HLA-DRB1: variants seen among roughly 807,000 people sequenced by gnomAD.
HLA-DRB1 encodes major histocompatibility complex, class II, DR beta 1.
In HLA-DRB1, 10 loss-of-function variants were observed where a neutral mutation model predicts 27.9. The ratio of observed to expected loss-of-function variants is 0.36; its 90% CI spans 0.22 to 0.61. The LOEUF (loss-of-function observed/expected upper bound fraction) is 0.61, where lower values mean the gene tolerates loss of function less well. Among genes scored for constraint, HLA-DRB1 ranks in the 20% least tolerant of loss-of-function variants. The pLI is 0.73. For synonymous variants in HLA-DRB1, 57 were observed against 126.7 expected (o/e 0.45, Z 3.69); for missense variants, 118 against 306.3 (o/e 0.39, Z 4.59).
chr6:32,584,679 A>G (rs369093408), intron 1 of HLA-DRB1, among the ~76,000 whole-genome samples: 29,911 of 125,304 alleles, frequency 0.24, 1,463 homozygotes, highest in East Asian at 0.3. Flanking sequence ...CCAGCACCGC[A>G]GCCCGCGCCG....
At position 32,581,850 on chromosome 6, in the gene HLA-DRB1, AC is replaced by A. The variant is rs72114462; in HGVS notation, c.371-13del. 0.21 allele frequency: 161,338 copies of A among 775,036 alleles called. 25,216 individuals are homozygous for A. Among genetic ancestry groups the A allele is most frequent in the African/African-American group, 0.37 (14,775 of 39,904 alleles). 48.0% of individuals were successfully genotyped at this position (775,036 alleles called of 1,614,324 possible). A position where few individuals can be genotyped will look rare whatever the true frequency, so the allele number is the denominator to read the frequency against. ...CACCTTAGGTTGGACTAGGAGAAAA[AC>A]AACGTAGAGGGAATGAGTCAGGAAG... On this transcript the variant is annotated splice_polypyrimidine_tract_variant and intron_variant, in intron 2 of 5. Transcript: ENST00000360004.
chr6:32,582,322 C>T (rs112692206), intron 2 of HLA-DRB1, among the ~76,000 whole-genome samples: 17,164 of 103,806 alleles, frequency 0.17, no homozygotes, highest in East Asian at 0.22. Context: ...CTGAAGATAG[C>T]CTTCAGTTTA....
chr6:32,585,916 T>G (rs34224375), intron 1 of HLA-DRB1, among the ~76,000 whole-genome samples: 1 of 117,892 alleles, frequency 8.5e-6, no homozygotes, highest in African/African-American at 3.2e-5. Context: ...AATACTGAAA[T>G]TCATAGGCCT....
rs751231236 is a variant in HLA-DRB1, at chr6:32,579,152, A to G, written c.788-48T>C. ...TTGTTTTCAACCTGGCTCTACTAAC[A>G]GTTTCTTTTCCCCTCTTTCAAGGGC... On this transcript the variant is annotated intron_variant, in intron 5 of 5. Coordinates refer to ENST00000360004, the Ensembl canonical transcript of HLA-DRB1. 1.1e-5 allele frequency: 4 copies of G among 374,938 alleles called. 1 individual carries two copies. Among genetic ancestry groups the G allele is most frequent in the Admixed American group, 9.5e-5 (1 of 10,542 alleles). The allele number at this position is 374,938 out of a possible 1,614,324, so 23.2% of individuals were successfully genotyped here.
At chr6:32,589,427 A>G (rs1777025331) in intron 1 of HLA-DRB1, among the ~76,000 whole-genome samples, 1 of 89,044 alleles carries the variant, frequency 1.1e-5, no homozygotes, top group African/African-American at 4.8e-5. Flanking sequence ...TTGAAAAGAA[A>G]TGATTTGTGC....
At position 32,584,382 on chromosome 6, in the gene HLA-DRB1, TG is replaced by T. The variant is rs754191737; in HGVS notation, c.101-5del. The stretch of plus-strand genomic sequence containing the variant: ...TTAGGCTGCCACAGGAAACGTGCTG[TG>T]GGGACACGAACCATCCGGTCACAGG... On this transcript the variant is annotated splice_polypyrimidine_tract_variant and splice_region_variant and intron_variant, in intron 1 of 5. Transcript: ENST00000360004. 2.7e-6 allele frequency: 2 copies of T among 743,162 alleles called. 1 individual carries two copies. 46.0% of individuals were successfully genotyped at this position (743,162 alleles called of 1,614,324 possible).
chr6:32,587,873 A>G (rs35463249), intron 1 of HLA-DRB1, among the ~76,000 whole-genome samples: 4 of 147,970 alleles, frequency 2.7e-5, no homozygotes, highest in Admixed American at 6.8e-5. Flanking sequence ...AACTTAATCA[A>G]ATAGAATGAT....
At chr6:32,581,881 A>T in intron 2 of HLA-DRB1, 43 bp from the exon 3 acceptor site, 1 of 981,358 alleles carries the variant, frequency 1.0e-6, no homozygotes, top group East Asian at 2.5e-5. Context: ...AGGAAGACAG[A>T]GTAAGTCTCC....
At position 32,585,020 on chromosome 6, in the gene HLA-DRB1, G is replaced by A. The variant is rs1431114600; in HGVS notation, c.101-642C>T. Among the ~76,000 whole-genome samples the A allele has an allele frequency of 2.9e-5, 2 of 68,664 alleles. 1 individual carries two copies. Among genetic ancestry groups the A allele is most frequent in the African/African-American group, 1.3e-4 (2 of 15,622 alleles). The allele number at this position is 68,664 out of a possible 152,430, so 45.0% of individuals were successfully genotyped here. A position where few individuals can be genotyped will look rare whatever the true frequency, so the allele number is the denominator to read the frequency against. On this transcript the variant is annotated intron_variant, in intron 1 of 5. Transcript: ENST00000360004. ...TGGATTTCCAATAAATTATGGTTGTGTATCTGAAATTCAGATTTCACTAGG... is the reference window on the plus strand; with the variant it reads ...TGGATTTCCAATAAATTATGGTTGTATATCTGAAATTCAGATTTCACTAGG...
rs35084284 is a variant in HLA-DRB1 at position 32,587,413 on chromosome 6, A to C, written c.100+2230T>G. Among the ~76,000 whole-genome samples the C allele has an allele frequency of 1.1e-4, 6 of 54,060 alleles. 3 individuals carry two copies. The highest frequency in any genetic ancestry group is 2.2e-4 in the Non-Finnish European group (6 of 27,114). 35.5% of individuals were successfully genotyped at this position (54,060 alleles called of 152,430 possible). A position where few individuals can be genotyped will look rare whatever the true frequency, so the allele number is the denominator to read the frequency against. ...AAATAAAATAAACAAACAAATAAAT[A>C]AATAATAAAATTTAATTTTTTTTTA... On this transcript the variant is annotated intron_variant, in intron 1 of 5. Transcript: ENST00000360004.
At chr6:32,578,826 A>G (rs1060270) in exon 6 of HLA-DRB1, 250,164 of 337,014 alleles carry the variant, frequency 0.74, 103,290 homozygotes, top group Admixed American at 0.81. Context: ...TACAGGGTGA[A>G]TACAGATGCA....
rs868766399 is a variant in HLA-DRB1, at chr6:32,589,795, G to T, written c.-53C>A. 3,517 of 418,284 alleles carry T rather than the reference G, an allele frequency of 8.4e-3. 21 individuals are homozygous for T. Among genetic ancestry groups the T allele is most frequent in the African/African-American group, 0.065 (1,429 of 21,894 alleles). 25.9% of individuals were successfully genotyped at this position (418,284 alleles called of 1,614,324 possible). A position where few individuals can be genotyped will look rare whatever the true frequency, so the allele number is the denominator to read the frequency against. ...CAGAGAAGCAGGCAAGTCTCACTCA[G>T]GGAGAACTATGAACCCCTCCACCCA... On this transcript the variant is annotated 5_prime_UTR_variant, in exon 1 of 6. It adds an upstream start codon to the 5' untranslated region. Coordinates refer to ENST00000360004, the Ensembl canonical transcript of HLA-DRB1.
chr6:32,583,702 A>G lies in HLA-DRB1; in HGVS notation c.370+407T>C, dbSNP rs796144645. Among the ~76,000 whole-genome samples the G allele has an allele frequency of 4.2e-3, 283 of 67,724 alleles. 17 individuals are homozygous for G. The highest frequency in any genetic ancestry group is 0.011 in the South Asian group (22 of 1,942). The allele number at this position is 67,724 out of a possible 152,430, so 44.4% of individuals were successfully genotyped here. A position where few individuals can be genotyped will look rare whatever the true frequency, so the allele number is the denominator to read the frequency against. On this transcript the variant is annotated intron_variant, in intron 2 of 5. Transcript: ENST00000360004. ...CCTTACCCCTCAGCAGTCCTCCCCTAAACCTTCACCCCAACCACACACACC... is the reference window on the plus strand; with the variant it reads ...CCTTACCCCTCAGCAGTCCTCCCCTGAACCTTCACCCCAACCACACACACC...
rs1775262610 is a variant in HLA-DRB1, at chr6:32,580,443, T to C, written c.764-173A>G. On this transcript the variant is annotated intron_variant, in intron 4 of 5. Transcript: ENST00000360004. ...CATGTGACCCATGAAGCCTGAAGTG[T>C]CTGTCACAGGATCCAGTGTAATTCC... 1.5e-5 allele frequency among the ~76,000 whole-genome samples: 2 copies of C among 132,568 alleles called. 1 individual carries two copies. Among genetic ancestry groups the C allele is most frequent in the Non-Finnish European group, 3.3e-5 (2 of 60,626 alleles). 87.0% of individuals were successfully genotyped at this position (132,568 alleles called of 152,430 possible).
At chr6:32,582,608 T>C in intron 2 of HLA-DRB1, among the ~76,000 whole-genome samples, 1 of 103,236 alleles carries the variant, frequency 9.7e-6, no homozygotes, top group East Asian at 2.9e-4. Flanking sequence ...AATTTTTACT[T>C]TCCTAGAAAA....
intron 1 of HLA-DRB1, among the ~76,000 whole-genome samples, chr6:32,586,196 CTT>C (rs1776363613): frequency 8.0e-6 from 1 of 125,426 alleles, no homozygotes; most frequent in Admixed American, 9.1e-5. Context: ...TTCTCTTCAG[CTT>C]CTTTAGCCTT....
chr6:32,581,355 T>C (rs1405683177), intron 3 of HLA-DRB1, among the ~76,000 whole-genome samples: 2 of 82,702 alleles, frequency 2.4e-5, no homozygotes, highest in Non-Finnish European at 4.8e-5. Flanking sequence ...CTCTCCCGCC[T>C]GGCAGGCGAG....
exon 1 of HLA-DRB1, chr6:32,589,725 G>T (rs374594903): frequency 1.3e-5 from 15 of 1,176,804 alleles, no homozygotes; most frequent in African/African-American, 2.5e-5. Flanking sequence ...AGCCTCCAGG[G>T]AGCTTCAGAC....
chr6:32,581,827 C>T (rs771131230), exon 3 of HLA-DRB1: 3 of 1,276,694 alleles, frequency 2.3e-6, no homozygotes, highest in Non-Finnish European at 3.3e-6. Context: ...TATACAGTCA[C>T]CTTAGGTTGG....
Sources: gnomAD v4.1 joint callset for allele counts (sites outside exome capture counted in the v4.1 genomes callset) on GRCh38, gnomAD v4.1.1 for gene constraint, MANE v1.5 for transcripts, NCBI Gene and HGNC (gene_info 2026-07-23, HGNC 2026-07-21) for gene names.